Variants in TENM3 observed in about 807,000 individuals in gnomAD.
TENM3 encodes teneurin-3.
TENM3 carries 63 observed loss-of-function variants against 255.1 expected under a neutral mutation model. The observed-to-expected ratio is 0.25, with a 90% CI of 0.20 to 0.30. TENM3 has a LOEUF of 0.30. Ranked by LOEUF, TENM3 falls within the 10% of genes least tolerant of loss-of-function variation. The probability of loss-of-function intolerance (pLI) is 1.00; values close to 1 mark genes in which losing one functional copy is unlikely to be tolerated. For missense variants in TENM3, 2,929 were observed against 3,461.1 expected, an observed-to-expected ratio of 0.85 and a Z score of 3.86; for synonymous variants, 1,306 against 1,322.3, an observed-to-expected ratio of 0.99 and a Z score of 0.27.
chr4:181,597,857 A>G, the TENM3 span, among the ~76,000 whole-genome samples: 2 of 152,218 alleles, frequency 1.3e-5, no homozygotes, highest in African/African-American at 2.4e-5. Flanking sequence ...TCCAATATCA[A>G]AGAGAGAGAT....
chr4:182,441,070 C>T lies in TENM3; in HGVS notation c.511+94141C>T, dbSNP rs374499570. On this transcript the variant is annotated intron_variant, in intron 3 of 27. Coordinates refer to ENST00000511685, the MANE Select transcript of TENM3 (RefSeq NM_001080477.4). The stretch of plus-strand genomic sequence containing the variant: ...TGGCACGGAAGGGCTTTTTTTTAAC[C>T]AAATAAATTCATCTGTGTGTGGTGT... Among the ~76,000 whole-genome samples the T allele has an allele frequency of 3.3e-5, 5 of 151,906 alleles. No individual in the cohort carries two copies. In the East Asian group the frequency reaches 5.8e-4, roughly 18 times the overall value.
the TENM3 span, among the ~76,000 whole-genome samples, chr4:181,939,291 G>C: frequency 0.012 from 1,886 of 152,266 alleles, 42 homozygotes; most frequent in African/African-American, 0.043. Flanking sequence ...AGAATGCCGG[G>C]AACTCGTTTC....
chr4:182,189,870 T>G (rs1002741688), intron 1 of TENM3, among the ~76,000 whole-genome samples: 3 of 152,204 alleles, frequency 2.0e-5, no homozygotes, highest in Non-Finnish European at 1.5e-5. Context: ...CTCACCTATT[T>G]AGAGCCAAAT....
the TENM3 span, among the ~76,000 whole-genome samples, chr4:181,516,225 G>A: frequency 6.6e-6 from 1 of 152,004 alleles, no homozygotes; most frequent in African/African-American, 2.4e-5. Context: ...TCAGGGGAGG[G>A]GAGAGCATTA....
chr4:181,641,720 T>C, the TENM3 span, among the ~76,000 whole-genome samples: 5 of 124,484 alleles, frequency 4.0e-5, no homozygotes, highest in Non-Finnish European at 3.3e-5. Flanking sequence ...ATATATTATA[T>C]GTATAATAAA....
At chr4:182,235,188 A>G (rs1756818312) in intron 1 of TENM3, among the ~76,000 whole-genome samples, 1 of 152,232 alleles carries the variant, frequency 6.6e-6, no homozygotes, top group Admixed American at 6.5e-5. Flanking sequence ...TGGGATGCCA[A>G]ACACTTGTGC....
intron 3 of TENM3, among the ~76,000 whole-genome samples, chr4:182,407,534 C>T (rs937627354): frequency 2.0e-5 from 3 of 152,140 alleles, no homozygotes; most frequent in African/African-American, 7.2e-5. Flanking sequence ...TTTTATAACA[C>T]TGTAACCTAA....
chr4:181,839,378 T>TAC, the TENM3 span, among the ~76,000 whole-genome samples: 3 of 50,888 alleles, frequency 5.9e-5, no homozygotes, highest in South Asian at 5.5e-4. Context: ...TATATATATA[T>TAC]ATATATACAC....
At chr4:181,885,445 T>C in the TENM3 span, among the ~76,000 whole-genome samples, 1 of 152,142 alleles carries the variant, frequency 6.6e-6, no homozygotes, top group Non-Finnish European at 1.5e-5. Flanking sequence ...ATATTTTTAG[T>C]AGAGACAGGG....
chr4:182,623,893 T>C (rs1377079695), intron 4 of TENM3, among the ~76,000 whole-genome samples: 1 of 152,240 alleles, frequency 6.6e-6, no homozygotes, highest in African/African-American at 2.4e-5. Context: ...CTTGCAGCCA[T>C]AGAAGTAATT....
At chr4:182,661,620 T>C (rs1307363306) in intron 6 of TENM3, among the ~76,000 whole-genome samples, 1 of 152,224 alleles carries the variant, frequency 6.6e-6, no homozygotes, top group East Asian at 1.9e-4. Flanking sequence ...ACACTCTGTA[T>C]CCACAATGCT....
intron 22 of TENM3, among the ~76,000 whole-genome samples, chr4:182,759,644 AAC>A (rs1762984361): frequency 6.6e-6 from 1 of 152,268 alleles, no homozygotes; most frequent in African/African-American, 2.4e-5. Context: ...GTTGGTGTTA[AAC>A]ACAGAAAACT....
chr4:181,752,849 G>GAA, the TENM3 span, among the ~76,000 whole-genome samples: 3 of 145,514 alleles, frequency 2.1e-5, no homozygotes, highest in Non-Finnish European at 4.5e-5. Flanking sequence ...AAGGAGTACT[G>GAA]AAAAAAAAAA....
the TENM3 span, among the ~76,000 whole-genome samples, chr4:181,997,101 A>G: frequency 1.3e-5 from 2 of 152,300 alleles, no homozygotes; most frequent in East Asian, 3.9e-4. Flanking sequence ...AACCTTAGAG[A>G]TGAGTCACAC....
At chr4:182,018,115 A>G in the TENM3 span, among the ~76,000 whole-genome samples, 8 of 152,276 alleles carry the variant, frequency 5.3e-5, no homozygotes, top group East Asian at 1.5e-3. Flanking sequence ...GGTTTGTACA[A>G]CCAGATAACT....
chr4:182,229,386 G>A (rs1266347711), intron 1 of TENM3, among the ~76,000 whole-genome samples: 4 of 152,024 alleles, frequency 2.6e-5, no homozygotes, highest in Admixed American at 6.5e-5. Flanking sequence ...AGAGTCTTAC[G>A]GTTTTAGCTG....
At chr4:182,102,468 T>A in the TENM3 span, among the ~76,000 whole-genome samples, 1 of 152,172 alleles carries the variant, frequency 6.6e-6, no homozygotes, top group Non-Finnish European at 1.5e-5. Flanking sequence ...ATTTAAGTAT[T>A]TGGGATGTCC....
chr4:181,619,944 T>C, the TENM3 span, among the ~76,000 whole-genome samples: 3 of 152,192 alleles, frequency 2.0e-5, no homozygotes, highest in Admixed American at 1.3e-4. Context: ...ACCTGGCAAT[T>C]GATTGGAGGT....
intron 3 of TENM3, among the ~76,000 whole-genome samples, chr4:182,549,762 A>G (rs1048932548): frequency 6.6e-6 from 1 of 152,238 alleles, no homozygotes; most frequent in Non-Finnish European, 1.5e-5. Context: ...AACATAGGAT[A>G]CTTGTAATCT....
Sources: gnomAD v4.1 joint callset for allele counts (sites outside exome capture counted in the v4.1 genomes callset) on GRCh38, gnomAD v4.1.1 for gene constraint, MANE v1.5 for transcripts, NCBI Gene and HGNC (gene_info 2026-07-23, HGNC 2026-07-21) for gene names.